Variants in OR2D3 observed in about 807,000 individuals in gnomAD.
The protein encoded by OR2D3 is olfactory receptor family 2 subfamily D member 3.
For synonymous variants in OR2D3, 154 were observed against 145.8 expected, an observed-to-expected ratio of 1.06 and a Z score of -0.40; for missense variants, 409 against 388.8, an observed-to-expected ratio of 1.05 and a Z score of -0.44.
At position 6,921,400 on chromosome 11, in the gene OR2D3, G is replaced by A; in HGVS notation, c.399G>A (p.Val133=). ...GTACAGAGTGTGCGCTGCTGGCAGT[G>A]ATGTCCTATGACCGGTATGTGGCTG... The part of the protein sequence containing the change: ...VGCTECALLA[V]MSYDRYVAVC... The change falls in exon 1 of 1, where the codon GTG becomes GTA. Residue 133 remains valine, a synonymous_variant. Coordinates refer to ENST00000317834, the MANE Select transcript of OR2D3 (RefSeq NM_001004684.1). 6.2e-7 allele frequency: 1 copy of A among 1,613,766 alleles called. No homozygotes were observed. Among genetic ancestry groups the A allele is most frequent in the Non-Finnish European group, 8.5e-7 (1 of 1,179,850 alleles).
rs773501927 is a variant in OR2D3, at chr11:6,921,125, C to A, written c.124C>A (p.Leu42Met). 1.2e-6 allele frequency: 2 copies of A among 1,614,002 alleles called. No individual in the cohort carries two copies. Among genetic ancestry groups the A allele is most frequent in the Non-Finnish European group, 1.7e-6 (2 of 1,180,026 alleles). The change falls in exon 1 of 1, where the codon CTG (leucine) becomes ATG (methionine). Residue 42 changes from leucine to methionine, a missense_variant. Transcript: ENST00000317834. ...GLSQDLQTQI[L>M]LFILFLIIYL... is the part of the protein sequence containing the mutation. ...TTCACAGGACTTGCAGACCCAGATCCTGCTATTTATCCTTTTCCTCATCAT... is the reference window on the plus strand; with the variant it reads ...TTCACAGGACTTGCAGACCCAGATCATGCTATTTATCCTTTTCCTCATCAT...
rs1350712074 is a variant in OR2D3 at position 6,921,988 on chromosome 11, G to T, written c.987G>T (p.Arg329Ser). ...KLVGRKCFSH[R>S]Q ...TTGGGAGAAAGTGCTTCTCTCATAG[G>T]CAGTGACCTCTGAGTCTGACTTTTA... Residue 329 changes from arginine to serine, a missense_variant, in exon 1 of 1, where the codon AGG becomes AGT. Arg to Ser is a moderately radical substitution (Grantham distance 110, BLOSUM62 -1). Coordinates refer to ENST00000317834, the MANE Select transcript of OR2D3 (RefSeq NM_001004684.1). The T allele has an allele frequency of 1.2e-6, 2 of 1,612,276 alleles. No individual in the cohort carries two copies. The highest frequency in any genetic ancestry group is 1.7e-5 in the Admixed American group (1 of 59,496).
Position 6,921,299 on chromosome 11 carries a change from C to A in OR2D3, c.298C>A (p.His100Asn), listed in dbSNP as rs761595219. 7 of 1,614,058 alleles carry A rather than the reference C, an allele frequency of 4.3e-6. No individual in the cohort carries two copies. In the Middle Eastern group the frequency reaches 9.9e-4, roughly 228 times the overall value. The change falls in exon 1 of 1, where the codon CAC becomes AAC. Residue 100 changes from histidine to asparagine, a missense_variant. Physicochemically the swap from His to Asn is moderately conservative, Grantham distance 68 (BLOSUM62 1). Transcript: ENST00000317834. Reference protein sequence around the residue: ...STSIVPQVLVHFLVKRKTISF... With the variant: ...STSIVPQVLVNFLVKRKTISF... ...TAGCATTGTCCCTCAAGTGTTGGTT[C>A]ACTTCTTGGTAAAGAGGAAAACCAT...
chr11:6,921,946 G>A lies in OR2D3; in HGVS notation c.945G>A (p.Gly315=). The change falls in exon 1 of 1, where the codon GGG becomes GGA. Residue 315 remains glycine (G), a synonymous_variant. Coordinates refer to ENST00000317834, the MANE Select transcript of OR2D3 (RefSeq NM_001004684.1). ...GCTTGAGGAACAAAGATGTCAAAGG[G>A]GCTCTCAGGAAACTAGTTGGGAGAA... ...IYSLRNKDVK[G]ALRKLVGRKC... The A allele has an allele frequency of 6.2e-7, 1 of 1,614,126 alleles. No homozygotes were observed. Among genetic ancestry groups the A allele is most frequent in the Non-Finnish European group, 8.5e-7 (1 of 1,180,012 alleles).
Position 6,921,107 on chromosome 11 carries a change from G to C in OR2D3, c.106G>C (p.Asp36His), listed in dbSNP as rs1410663420. 5 of 1,614,062 alleles carry C rather than the reference G, an allele frequency of 3.1e-6. No homozygotes were observed. The highest frequency in any genetic ancestry group is 3.4e-6 in the Non-Finnish European group (4 of 1,179,990). Residue 36 changes from aspartate (D) to histidine (H), a missense_variant, in exon 1 of 1, where the codon GAC becomes CAC. By Grantham distance (81) the Asp-to-His change is moderately conservative. Transcript: ENST00000317834. ...SKFIFLGLSQ[D>H]LQTQILLFIL... ...GTTTATCTTCCTGGGTCTTTCACAG[G>C]ACTTGCAGACCCAGATCCTGCTATT... is the stretch of plus-strand genomic sequence containing the variant.
Position 6,921,973 on chromosome 11 carries a change from G to C in OR2D3, c.972G>C (p.Lys324Asn). 6.2e-7 allele frequency: 1 copy of C among 1,614,134 alleles called. No homozygotes were observed. Among genetic ancestry groups the C allele is most frequent in the Non-Finnish European group, 8.5e-7 (1 of 1,179,994 alleles). ...KGALRKLVGR[K>N]CFSHRQ Reference sequence around the variant, plus strand: ...CTCTCAGGAAACTAGTTGGGAGAAAGTGCTTCTCTCATAGGCAGTGACCTC... The same window carrying C: ...CTCTCAGGAAACTAGTTGGGAGAAACTGCTTCTCTCATAGGCAGTGACCTC... The change falls in exon 1 of 1, where the codon AAG becomes AAC. Residue 324 changes from lysine to asparagine, a missense_variant. Transcript: ENST00000317834.
chr11:6,921,906 A>T lies in OR2D3; in HGVS notation c.905A>T (p.Asn302Ile), dbSNP rs556958972. 579 of 1,614,022 alleles carry T rather than the reference A, an allele frequency of 3.6e-4. 6 individuals carry two copies. In the South Asian group the frequency reaches 5.9e-3, roughly 16 times the overall value. ...VFYTAVTPML[N>I]PIIYSLRNKD... ...TATACAGCGGTGACTCCAATGTTGA[A>T]CCCCATAATTTATAGCTTGAGGAAC... The change falls in exon 1 of 1, where the codon AAC becomes ATC. Residue 302 changes from asparagine (N) to isoleucine (I), a missense_variant. By Grantham distance (149) the Asn-to-Ile change is moderately radical (BLOSUM62 -3). Coordinates refer to ENST00000317834, the MANE Select transcript of OR2D3 (RefSeq NM_001004684.1).
Position 6,921,387 on chromosome 11 carries a change from C to T in OR2D3, c.386C>T (p.Ala129Val), listed in dbSNP as rs146554664. Residue 129 changes from alanine (A) to valine (V), a missense_variant, in exon 1 of 1, where the codon GCG (alanine) becomes GTG (valine). Physicochemically the swap from Ala to Val is moderately conservative, Grantham distance 64 (BLOSUM62 0). Transcript: ENST00000317834. ...CTTCTGGTTGGGTGTACAGAGTGTG[C>T]GCTGCTGGCAGTGATGTCCTATGAC... ...VFLLVGCTEC[A>V]LLAVMSYDRY... The T allele has an allele frequency of 5.8e-5, 93 of 1,613,826 alleles. 2 individuals carry two copies. The African/African-American group carries it at 7.3e-4, about 13-fold the overall frequency.
chr11:6,921,326 T>G lies in OR2D3; in HGVS notation c.325T>G (p.Ser109Ala). Residue 109 changes from serine (S) to alanine (A), a missense_variant, in exon 1 of 1, where the codon TCT (serine) becomes GCT (alanine). Ser to Ala is a moderately conservative substitution (Grantham distance 99). Coordinates refer to ENST00000317834, the MANE Select transcript of OR2D3 (RefSeq NM_001004684.1). ...CTTCTTGGTAAAGAGGAAAACCATT[T>G]CTTTTTATGGGTGTATGACACAGAT... ...VHFLVKRKTI[S>A]FYGCMTQIIV... The G allele has an allele frequency of 1.2e-6, 2 of 1,614,142 alleles. No individual in the cohort carries two copies. Among genetic ancestry groups the G allele is most frequent in the Middle Eastern group, 1.6e-4 (1 of 6,062 alleles).
At position 6,921,407 on chromosome 11, in the gene OR2D3, T is replaced by C. The variant is rs770536409; in HGVS notation, c.406T>C (p.Tyr136His). 2.5e-6 allele frequency: 4 copies of C among 1,613,550 alleles called. No individual in the cohort carries two copies. In the African/African-American group the frequency reaches 5.3e-5, roughly 22 times the overall value. ...TECALLAVMS[Y>H]DRYVAVCKPL... The stretch of plus-strand genomic sequence containing the variant: ...GTGTGCGCTGCTGGCAGTGATGTCC[T>C]ATGACCGGTATGTGGCTGTCTGCAA... The change falls in exon 1 of 1, where the codon TAT becomes CAT. Residue 136 changes from tyrosine to histidine, a missense_variant. Coordinates refer to ENST00000317834, the MANE Select transcript of OR2D3 (RefSeq NM_001004684.1).
Position 6,921,255 on chromosome 11 carries a change from C to G in OR2D3, c.254C>G (p.Ala85Gly), listed in dbSNP as rs781392260. 1.9e-6 allele frequency: 3 copies of G among 1,614,030 alleles called. No homozygotes were observed. In the Admixed American group the frequency reaches 5.0e-5, roughly 27 times the overall value. ...MYFFLRNLSF[A>G]DLCFSTSIVP... Reference sequence around the variant, plus strand: ...TTTTTTCTTAGAAATCTCTCCTTTGCAGATCTCTGTTTCTCTACTAGCATT... The same window carrying G: ...TTTTTTCTTAGAAATCTCTCCTTTGGAGATCTCTGTTTCTCTACTAGCATT... The change falls in exon 1 of 1, where the codon GCA (alanine) becomes GGA (glycine). Residue 85 changes from alanine (A) to glycine (G), a missense_variant. Physicochemically the swap from Ala to Gly is moderately conservative, Grantham distance 60. Transcript: ENST00000317834.
chr11:6,921,328 T>C lies in OR2D3; in HGVS notation c.327T>C (p.Ser109=). ...VHFLVKRKTI[S]FYGCMTQIIV... Reference sequence around the variant, plus strand: ...TCTTGGTAAAGAGGAAAACCATTTCTTTTTATGGGTGTATGACACAGATAA... The same window carrying C: ...TCTTGGTAAAGAGGAAAACCATTTCCTTTTATGGGTGTATGACACAGATAA... The change falls in exon 1 of 1, where the codon TCT becomes TCC. Residue 109 remains serine, a synonymous_variant. Coordinates refer to ENST00000317834, the MANE Select transcript of OR2D3 (RefSeq NM_001004684.1). 1 of 1,614,102 alleles carries C rather than the reference T, an allele frequency of 6.2e-7. No individual in the cohort carries two copies. Among genetic ancestry groups the C allele is most frequent in the Non-Finnish European group, 8.5e-7 (1 of 1,180,030 alleles).
In OR2D3 at chr11:6,921,287, C is replaced by A; in HGVS notation, c.286C>A (p.Gln96Lys). 6.2e-7 allele frequency: 1 copy of A among 1,614,126 alleles called. No homozygotes were observed. Among genetic ancestry groups the A allele is most frequent in the Non-Finnish European group, 8.5e-7 (1 of 1,179,974 alleles). The change falls in exon 1 of 1, where the codon CAA becomes AAA. Residue 96 changes from glutamine to lysine, a missense_variant. Physicochemically the swap from Gln to Lys is moderately conservative, Grantham distance 53 (BLOSUM62 1). Coordinates refer to ENST00000317834, the MANE Select transcript of OR2D3 (RefSeq NM_001004684.1). ...DLCFSTSIVP[Q>K]VLVHFLVKRK... ...CTGTTTCTCTACTAGCATTGTCCCT[C>A]AAGTGTTGGTTCACTTCTTGGTAAA... is the stretch of plus-strand genomic sequence containing the variant.
Position 6,921,528 on chromosome 11 carries a change from C to T in OR2D3, c.527C>T (p.Thr176Ile), listed in dbSNP as rs780704548. 6.2e-7 allele frequency: 1 copy of T among 1,613,980 alleles called. No individual in the cohort carries two copies. The highest frequency in any genetic ancestry group is 1.7e-5 in the Admixed American group (1 of 60,008). The change falls in exon 1 of 1, where the codon ACC becomes ATC. Residue 176 changes from threonine (T) to isoleucine (I), a missense_variant. Coordinates refer to ENST00000317834, the MANE Select transcript of OR2D3 (RefSeq NM_001004684.1). Reference sequence around the variant, plus strand: ...GGGGCACTAGTGTCTTTAGTAGATACCAGCTTTACTTTCCATCTTCCCTAC... The same window carrying T: ...GGGGCACTAGTGTCTTTAGTAGATATCAGCTTTACTTTCCATCTTCCCTAC... ...ASGALVSLVD[T>I]SFTFHLPYWG...
rs758186583 is a variant in OR2D3 at position 6,921,160 on chromosome 11, G to A, written c.159G>A (p.Leu53=). Residue 53 remains leucine (L), a synonymous_variant, in exon 1 of 1, where the codon CTG becomes CTA. Coordinates refer to ENST00000317834, the MANE Select transcript of OR2D3 (RefSeq NM_001004684.1). ...LFILFLIIYL[L]TVLGNQLIII... Reference sequence around the variant, plus strand: ...TCCTTTTCCTCATCATTTATCTGCTGACCGTGCTTGGAAACCAGCTCATCA... The same window carrying A: ...TCCTTTTCCTCATCATTTATCTGCTAACCGTGCTTGGAAACCAGCTCATCA... The A allele has an allele frequency of 6.2e-7, 1 of 1,614,074 alleles. No homozygotes were observed. Among genetic ancestry groups the A allele is most frequent in the Non-Finnish European group, 8.5e-7 (1 of 1,180,018 alleles).
In OR2D3 at chr11:6,921,531, G is replaced by C; in HGVS notation, c.530G>C (p.Ser177Thr). Residue 177 changes from serine to threonine, a missense_variant, in exon 1 of 1, where the codon AGC becomes ACC. Coordinates refer to ENST00000317834, the MANE Select transcript of OR2D3 (RefSeq NM_001004684.1). ...SGALVSLVDT[S>T]FTFHLPYWGQ... ...GCACTAGTGTCTTTAGTAGATACCA[G>C]CTTTACTTTCCATCTTCCCTACTGG... 2.5e-6 allele frequency: 4 copies of C among 1,614,140 alleles called. No homozygotes were observed. The highest frequency in any genetic ancestry group is 3.4e-6 in the Non-Finnish European group (4 of 1,180,026).
chr11:6,921,678 CT>C lies in OR2D3; in HGVS notation c.678del (p.Val227SerfsTer3), dbSNP rs1281625659. 9.0e-6 allele frequency: 14 copies of C among 1,557,336 alleles called. No individual in the cohort carries two copies. The highest frequency in any genetic ancestry group is 1.4e-5 in the African/African-American group (1 of 73,074). ...ATGGGCGTGGTAATCCTCCTGGCCC[CT>C]GTCTCCCTGATTCTTGGTTCTTATT... is the stretch of plus-strand genomic sequence containing the variant. Reference protein sequence around the residue: ...FSMGVVILLAPVSLILGSYWN... With the variant: ...FSMGVVILLAXVSLILGSYWN... On this transcript the variant is annotated frameshift_variant, in exon 1 of 1. Coordinates refer to ENST00000317834, the MANE Select transcript of OR2D3 (RefSeq NM_001004684.1). LOFTEE classifies it high-confidence loss of function.
At position 6,921,164 on chromosome 11, in the gene OR2D3, G is replaced by A. The variant is rs138712400; in HGVS notation, c.163G>A (p.Val55Met). The A allele has an allele frequency of 1.1e-5, 18 of 1,613,904 alleles. No homozygotes were observed. Among genetic ancestry groups the A allele is most frequent in the Middle Eastern group, 1.6e-4 (1 of 6,084 alleles). ...ILFLIIYLLT[V>M]LGNQLIIILI... is the part of the protein sequence containing the mutation. ...TTTCCTCATCATTTATCTGCTGACC[G>A]TGCTTGGAAACCAGCTCATCATCAT... is the stretch of plus-strand genomic sequence containing the variant. Residue 55 changes from valine (V) to methionine (M), a missense_variant, in exon 1 of 1, where the codon GTG becomes ATG. By Grantham distance (21) the Val-to-Met change is conservative. Coordinates refer to ENST00000317834, the MANE Select transcript of OR2D3 (RefSeq NM_001004684.1).
chr11:6,921,668 C>T lies in OR2D3; in HGVS notation c.667C>T (p.Leu223Phe). 1.1e-5 allele frequency: 17 copies of T among 1,564,050 alleles called. No homozygotes were observed. Among genetic ancestry groups the T allele is most frequent in the Non-Finnish European group, 1.4e-5 (16 of 1,158,224 alleles). ...CATCTTTTCAATGGGCGTGGTAATCCTCCTGGCCCCTGTCTCCCTGATTCT... is the reference window on the plus strand; with the variant it reads ...CATCTTTTCAATGGGCGTGGTAATCTTCCTGGCCCCTGTCTCCCTGATTCT... The part of the protein sequence containing the change: ...MAIFSMGVVI[L>F]LAPVSLILGS... The change falls in exon 1 of 1, where the codon CTC becomes TTC. Residue 223 changes from leucine to phenylalanine, a missense_variant. Physicochemically the swap from Leu to Phe is conservative, Grantham distance 22 (BLOSUM62 0). Coordinates refer to ENST00000317834, the MANE Select transcript of OR2D3 (RefSeq NM_001004684.1).
Sources: gnomAD v4.1 joint callset for allele counts on GRCh38, gnomAD v4.1.1 for gene constraint, MANE v1.5 for transcripts, NCBI Gene and HGNC (gene_info 2026-07-23, HGNC 2026-07-21) for gene names.